Variants in SHISA9 observed in about 807,000 individuals in gnomAD.
The protein encoded by SHISA9 is protein shisa-9.
Under a neutral mutation model 38.0 loss-of-function variants are expected in SHISA9, and 13 were observed. The ratio of observed to expected loss-of-function variants is 0.34; its 90% CI spans 0.22 to 0.54. SHISA9 has a LOEUF of 0.54. Ranked by LOEUF, SHISA9 falls within the 20% of genes least tolerant of loss-of-function variation. The probability of loss-of-function intolerance (pLI) is 0.91; values close to 1 mark genes in which losing one functional copy is unlikely to be tolerated. For synonymous variants in SHISA9, 275 were observed against 242.0 expected (o/e 1.14, Z -1.27); for missense variants, 538 against 575.8 (o/e 0.93, Z 0.67).
intron 3 of SHISA9, among the ~76,000 whole-genome samples, chr16:13,206,691 G>A (rs1375319908): frequency 6.6e-6 from 1 of 152,210 alleles, no homozygotes; most frequent in African/African-American, 2.4e-5. Context: ...AACTGACACA[G>A]GCTTTTCTAA....
At chr16:12,903,059 G>A in intron 1 of SHISA9, 1 of 171,910 alleles carries the variant, frequency 5.8e-6, no homozygotes, top group Non-Finnish European at 1.2e-5. Flanking sequence ...GGGGGCGTGT[G>A]TGAGCCCGAG....
At chr16:13,119,594 A>G (rs1007245741) in intron 2 of SHISA9, among the ~76,000 whole-genome samples, 1 of 152,228 alleles carries the variant, frequency 6.6e-6, no homozygotes, top group Non-Finnish European at 1.5e-5. Context: ...ATTAATAATC[A>G]CGAATAACAA....
intron 2 of SHISA9, among the ~76,000 whole-genome samples, chr16:13,138,669 A>G (rs1012142495): frequency 1.3e-5 from 2 of 152,214 alleles, no homozygotes; most frequent in Non-Finnish European, 2.9e-5. Flanking sequence ...ATGTCTCACA[A>G]GGGGAGTCTT....
intron 2 of SHISA9, among the ~76,000 whole-genome samples, chr16:13,078,571 A>C (rs1303511680): frequency 1.3e-5 from 2 of 151,826 alleles, no homozygotes; most frequent in Non-Finnish European, 2.9e-5. Context: ...ATGCCTGGAT[A>C]ATTTTTGTAT....
chr16:13,413,299 G>A, the SHISA9 span, among the ~76,000 whole-genome samples: 3 of 152,122 alleles, frequency 2.0e-5, no homozygotes, highest in South Asian at 2.1e-4. Context: ...TAAGTCATTC[G>A]TCTACTCTTG....
the SHISA9 span, among the ~76,000 whole-genome samples, chr16:13,313,942 C>T: frequency 1.3e-5 from 2 of 152,116 alleles, no homozygotes; most frequent in Non-Finnish European, 2.9e-5. Flanking sequence ...CTCTTTGGTT[C>T]AGTTTTCTAT....
At chr16:13,427,284 A>T in the SHISA9 span, among the ~76,000 whole-genome samples, 1 of 152,248 alleles carries the variant, frequency 6.6e-6, no homozygotes, top group Non-Finnish European at 1.5e-5. Flanking sequence ...CCTGCCTTTT[A>T]TAAAAGAGGA....
At chr16:13,557,462 G>A in the SHISA9 span, among the ~76,000 whole-genome samples, 1 of 152,182 alleles carries the variant, frequency 6.6e-6, no homozygotes, top group Non-Finnish European at 1.5e-5. Context: ...TGGAATAAAT[G>A]ATGATTAGAA....
intron 2 of SHISA9, among the ~76,000 whole-genome samples, chr16:12,961,487 C>G (rs1399894091): frequency 6.6e-6 from 1 of 152,134 alleles, no homozygotes; most frequent in Non-Finnish European, 1.5e-5. Flanking sequence ...ATTAAATAAA[C>G]CATATTACCT....
chr16:13,019,785 T>A (rs1399800441), intron 2 of SHISA9, among the ~76,000 whole-genome samples: 1 of 125,510 alleles, frequency 8.0e-6, no homozygotes, highest in Non-Finnish European at 1.7e-5. Context: ...TCTTTCTTTC[T>A]TTCTTTCTTT....
chr16:13,248,311 T>C, the SHISA9 span, among the ~76,000 whole-genome samples: 1 of 152,206 alleles, frequency 6.6e-6, no homozygotes, highest in Admixed American at 6.5e-5. Flanking sequence ...GTGCCAGCCA[T>C]GGTGCCGGGC....
the SHISA9 span, among the ~76,000 whole-genome samples, chr16:13,482,550 A>G: frequency 1.3e-5 from 2 of 152,232 alleles, no homozygotes; most frequent in Non-Finnish European, 2.9e-5. Flanking sequence ...CTGTAATCCT[A>G]GCACTTTGGG....
chr16:13,394,304 G>C, the SHISA9 span, among the ~76,000 whole-genome samples: 1 of 152,198 alleles, frequency 6.6e-6, no homozygotes, highest in East Asian at 1.9e-4. Context: ...TAATGTCCTT[G>C]TTTACAGAGG....
At chr16:13,132,371 C>A (rs2050313572) in intron 2 of SHISA9, among the ~76,000 whole-genome samples, 1 of 152,078 alleles carries the variant, frequency 6.6e-6, no homozygotes, top group Non-Finnish European at 1.5e-5. Flanking sequence ...ATTTTTTTCC[C>A]AAAATGGGAT....
chr16:13,290,188 TG>T, the SHISA9 span, among the ~76,000 whole-genome samples: 2 of 152,168 alleles, frequency 1.3e-5, no homozygotes, highest in South Asian at 4.1e-4. Context: ...TCTATGGTAT[TG>T]TACATGTAGC....
At chr16:13,456,997 A>C in the SHISA9 span, among the ~76,000 whole-genome samples, 4 of 152,226 alleles carry the variant, frequency 2.6e-5, no homozygotes, top group Non-Finnish European at 4.4e-5. Context: ...TTTCTCTGTA[A>C]TAAACTGTAA....
intron 2 of SHISA9, among the ~76,000 whole-genome samples, chr16:13,197,833 C>G (rs988743420): frequency 1.3e-5 from 2 of 152,158 alleles, no homozygotes; most frequent in African/African-American, 4.8e-5. Context: ...TAGAAGGGAA[C>G]TTCTGAGAGT....
the SHISA9 span, among the ~76,000 whole-genome samples, chr16:13,453,258 C>T: frequency 4.6e-5 from 7 of 152,254 alleles, no homozygotes; most frequent in East Asian, 1.4e-3. Flanking sequence ...GATATGTGTC[C>T]CAGGCTCCTT....
chr16:13,002,435 T>C (rs919047372), intron 2 of SHISA9, among the ~76,000 whole-genome samples: 1 of 152,070 alleles, frequency 6.6e-6, no homozygotes, highest in Non-Finnish European at 1.5e-5. Context: ...GGAAGTTAAG[T>C]CTCATAACCA....
Sources: allele counts gnomAD v4.1 joint callset (sites outside exome capture counted in the v4.1 genomes callset), GRCh38; gene constraint gnomAD v4.1.1; transcripts MANE v1.5; gene names NCBI Gene and HGNC (gene_info 2026-07-23, HGNC 2026-07-21).